SEL1L2: variants seen among roughly 807,000 people sequenced by gnomAD.
The protein encoded by SEL1L2 is protein sel-1 homolog 2.
SEL1L2 carries 89 observed loss-of-function variants against 98.8 expected under a neutral mutation model. The observed-to-expected ratio is 0.90, with a 90% CI of 0.76 to 1.07. The LOEUF (loss-of-function observed/expected upper bound fraction) is 1.07. Among genes scored for constraint, SEL1L2 ranks in the 50% least tolerant of loss-of-function variants. The probability of loss-of-function intolerance (pLI) is 0.00; values close to 1 mark genes in which losing one functional copy is unlikely to be tolerated. For synonymous variants in SEL1L2, 262 were observed against 278.5 expected, an observed-to-expected ratio of 0.94 and a Z score of 0.59; for missense variants, 788 against 812.0, an observed-to-expected ratio of 0.97 and a Z score of 0.36.
At chr20:13,947,813 T>A (rs1360806983) in intron 2 of SEL1L2, among the ~76,000 whole-genome samples, 1 of 152,242 alleles carries the variant, frequency 6.6e-6, no homozygotes, top group Non-Finnish European at 1.5e-5. Flanking sequence ...TTGCAGTGCA[T>A]CTGATCCAGC....
At chr20:13,892,902 A>C (rs1190570381) in intron 5 of SEL1L2, among the ~76,000 whole-genome samples, 4 of 152,236 alleles carry the variant, frequency 2.6e-5, no homozygotes. Flanking sequence ...GTGGCTGAAA[A>C]GATGAAAGCA....
chr20:13,855,098 T>A (rs1988942016), intron 18 of SEL1L2, among the ~76,000 whole-genome samples: 1 of 149,074 alleles, frequency 6.7e-6, no homozygotes, highest in South Asian at 2.1e-4. Flanking sequence ...GAGGGATTCC[T>A]AGAGGAGATG....
intron 2 of SEL1L2, among the ~76,000 whole-genome samples, chr20:13,939,158 C>T (rs1260192336): frequency 2.0e-5 from 3 of 150,902 alleles, no homozygotes; most frequent in African/African-American, 7.3e-5. Flanking sequence ...ATTCTCCTGC[C>T]TCAGCCTCCT....
chr20:13,932,707 A>G (rs1216182274), intron 2 of SEL1L2, among the ~76,000 whole-genome samples: 1 of 152,176 alleles, frequency 6.6e-6, no homozygotes, highest in Non-Finnish European at 1.5e-5. Context: ...CCGGGATTAC[A>G]GGCATGAGCC....
chr20:13,896,622 A>T (rs2047439819), intron 5 of SEL1L2, among the ~76,000 whole-genome samples: 1 of 152,238 alleles, frequency 6.6e-6, no homozygotes, highest in Non-Finnish European at 1.5e-5. Flanking sequence ...TAATTAAGAA[A>T]AAAATCCAAG....
intron 5 of SEL1L2, 148 bp downstream of exon 5, chr20:13,913,634 A>T (rs1176147224): frequency 3.2e-6 from 2 of 615,406 alleles, no homozygotes; most frequent in Admixed American, 8.6e-5. Flanking sequence ...TCCTGCCCTG[A>T]CACCACTGTT....
At chr20:13,892,074 A>C (rs2047227859) in intron 5 of SEL1L2, among the ~76,000 whole-genome samples, 1 of 152,194 alleles carries the variant, frequency 6.6e-6, no homozygotes, top group Non-Finnish European at 1.5e-5. Context: ...GAAGTTGATA[A>C]CATACAGTGG....
At chr20:13,954,042 A>AT (rs1207352031) in intron 2 of SEL1L2, among the ~76,000 whole-genome samples, 4 of 151,770 alleles carry the variant, frequency 2.6e-5, no homozygotes, top group South Asian at 2.1e-4. Context: ...ATCTTTAAAC[A>AT]TTTTTTTCAT....
At position 13,882,918 on chromosome 20, in the gene SEL1L2, G is replaced by A. The variant is rs894656467; in HGVS notation, c.957+2429C>T. Among the ~76,000 whole-genome samples, 8 of 144,170 alleles carry A rather than the reference G, an allele frequency of 5.5e-5. No homozygotes were observed. The South Asian group carries it at 9.2e-4, about 17-fold the overall frequency. The allele number at this position is 144,170 out of a possible 152,430, so 94.6% of individuals were successfully genotyped here. A position where few individuals can be genotyped will look rare whatever the true frequency, so the allele number is the denominator to read the frequency against. On this transcript the variant is annotated intron_variant, in intron 10 of 19. Transcript: ENST00000284951. ...TGCAAGCTCCGCCTCCCGGGTTCAC[G>A]CCATTCTCCTGCCTCAGCCTCCCAA...
At chr20:13,983,496 T>C (rs1379461123) in intron 1 of SEL1L2, among the ~76,000 whole-genome samples, 1 of 151,980 alleles carries the variant, frequency 6.6e-6, no homozygotes, top group African/African-American at 2.4e-5. Context: ...CTTTTAGCAC[T>C]AGCTTTTGTT....
intron 2 of SEL1L2, among the ~76,000 whole-genome samples, chr20:13,946,592 G>T (rs183358945): frequency 6.6e-6 from 1 of 152,248 alleles, no homozygotes; most frequent in Non-Finnish European, 1.5e-5. Context: ...TGTGTGCTCC[G>T]CAGAGCCAGT....
At chr20:13,946,050 T>A (rs995116051) in intron 2 of SEL1L2, among the ~76,000 whole-genome samples, 1 of 152,194 alleles carries the variant, frequency 6.6e-6, no homozygotes, top group African/African-American at 2.4e-5. Context: ...AAGCTTTTCC[T>A]CTGAGATAGG....
chr20:13,873,998 G>C (rs575342809), intron 12 of SEL1L2, among the ~76,000 whole-genome samples: 4 of 152,160 alleles, frequency 2.6e-5, no homozygotes, highest in Non-Finnish European at 5.9e-5. Flanking sequence ...ATGTGAGCCA[G>C]CAAGGGCAGG....
At chr20:13,867,150 G>A (rs1373964513) in intron 14 of SEL1L2, among the ~76,000 whole-genome samples, 1 of 152,130 alleles carries the variant, frequency 6.6e-6, no homozygotes, top group African/African-American at 2.4e-5. Flanking sequence ...TAATGCAAAG[G>A]AGACCAAGTG....
At chr20:13,953,160 GT>G (rs1023994787) in intron 2 of SEL1L2, among the ~76,000 whole-genome samples, 14 of 152,146 alleles carry the variant, frequency 9.2e-5, no homozygotes, top group East Asian at 1.9e-4. Flanking sequence ...AAGGGTAAAA[GT>G]TTTTTTTACA....
At chr20:13,880,954 T>G (rs2046673690) in intron 10 of SEL1L2, among the ~76,000 whole-genome samples, 1 of 152,210 alleles carries the variant, frequency 6.6e-6, no homozygotes, top group Non-Finnish European at 1.5e-5. Context: ...AACCAGTTTG[T>G]AACATTTCCC....
chr20:13,876,091 C>T lies in SEL1L2; in HGVS notation c.1051G>A (p.Val351Met), dbSNP rs201957921. ...AAGGCAGTAGCGTTATTTTGCGGCA[C>T]GGCAGCATTCCCCTCTAAATACATC... ...GKMYLEGNAA[V>M]PQNNATAFKY... is the part of the protein sequence containing the mutation. The change falls in exon 12 of 20, where the codon GTG becomes ATG. Residue 351 changes from valine to methionine, a missense_variant. Coordinates refer to ENST00000284951, the MANE Select transcript of SEL1L2 (RefSeq NM_025229.2). 215 of 1,613,652 alleles carry T rather than the reference C, an allele frequency of 1.3e-4. No homozygotes were observed. The African/African-American group carries it at 2.1e-3, about 16-fold the overall frequency.
At position 13,897,672 on chromosome 20, in the gene SEL1L2, C is replaced by T. The variant is rs1389342390; in HGVS notation, c.550-9160G>A. Among the ~76,000 whole-genome samples, 6 of 152,152 alleles carry T rather than the reference C, an allele frequency of 3.9e-5. No homozygotes were observed. The South Asian group carries it at 1.2e-3, about 32-fold the overall frequency. On this transcript the variant is annotated intron_variant, in intron 5 of 19. Transcript: ENST00000284951. ...AAAATGTGCTCAATATCAAGGTGCT[C>T]AACATCACTAATCATTAAGGAATGC... is the stretch of plus-strand genomic sequence containing the variant.
rs188309902 is a variant in SEL1L2, at chr20:13,871,003, G to C, written c.1105-800C>G. Among the ~76,000 whole-genome samples, 15 of 151,304 alleles carry C rather than the reference G, an allele frequency of 9.9e-5. No homozygotes were observed. In the East Asian group the frequency reaches 2.9e-3, roughly 30 times the overall value. ...GAGGGACACTCTATTGCCTGATTTA[G>C]ACTAGGAATTGAAGGAGATCAAGTT... On this transcript the variant is annotated intron_variant, in intron 12 of 19. Coordinates refer to ENST00000284951, the MANE Select transcript of SEL1L2 (RefSeq NM_025229.2).
Sources: gnomAD v4.1 joint callset for allele counts (sites outside exome capture counted in the v4.1 genomes callset) on GRCh38, gnomAD v4.1.1 for gene constraint, MANE v1.5 for transcripts, NCBI Gene and HGNC (gene_info 2026-07-23, HGNC 2026-07-21) for gene names.